Variants in SLC25A26 observed in about 807,000 individuals in gnomAD.
SLC25A26 encodes the protein mitochondrial S-adenosylmethionine carrier protein.
A neutral mutation model predicts 37.8 loss-of-function variants in SLC25A26; 36 were observed. The observed-to-expected ratio is 0.95, with a 90% CI of 0.73 to 1.26. The LOEUF is 1.26. SLC25A26 is among the 50% of genes most tolerant of loss of function. SLC25A26 has a pLI of 0.00. For missense variants in SLC25A26, 390 were observed against 331.1 expected (o/e 1.18, Z -1.38); for synonymous variants, 129 against 122.5 (o/e 1.05, Z -0.35).
At chr3:66,370,679 C>A in intron 9 of SLC25A26, 77 bp downstream of exon 9, 1 of 1,086,316 alleles carries the variant, frequency 9.2e-7, no homozygotes, top group Non-Finnish European at 1.4e-6. Context: ...GGATGAACAC[C>A]TCTCCTTCCC....
At chr3:66,317,411 C>T (rs1050800659) in intron 5 of SLC25A26, among the ~76,000 whole-genome samples, 1 of 152,122 alleles carries the variant, frequency 6.6e-6, no homozygotes, top group Non-Finnish European at 1.5e-5. Context: ...ACCCTATTCT[C>T]CGGGGCCCCT....
intron 1 of SLC25A26, among the ~76,000 whole-genome samples, chr3:66,171,049 C>T (rs1226324245): frequency 1.3e-5 from 2 of 151,772 alleles, no homozygotes; most frequent in East Asian, 3.9e-4. Context: ...GTGATCCGCC[C>T]GCCTCGGCCT....
At chr3:66,209,194 T>G (rs2071236735) in intron 1 of SLC25A26, among the ~76,000 whole-genome samples, 1 of 133,518 alleles carries the variant, frequency 7.5e-6, no homozygotes, top group South Asian at 2.4e-4. Context: ...TATATATAAC[T>G]TCTATATTTT....
intron 5 of SLC25A26, among the ~76,000 whole-genome samples, chr3:66,309,562 G>A (rs1282649408): frequency 6.6e-6 from 1 of 151,712 alleles, no homozygotes; most frequent in African/African-American, 2.4e-5. Flanking sequence ...GAATTTGTTT[G>A]CTCTTACTTC....
At chr3:66,266,613 T>G (rs2073763809) in intron 5 of SLC25A26, among the ~76,000 whole-genome samples, 1 of 148,986 alleles carries the variant, frequency 6.7e-6, no homozygotes, top group South Asian at 2.1e-4. Context: ...ATTTGATGTT[T>G]GTGGAGATTG....
At position 66,156,816 on chromosome 3, in the gene SLC25A26, G is replaced by C. The variant is rs189311464; in HGVS notation, c.-354+22832G>C. On this transcript the variant is annotated intron_variant, in intron 1 of 10. Coordinates refer to the SLC25A26 transcript ENST00000676754. ...TAACACAGGCTTTGGGGAAAGTAGAGGGAATGTAGTGGGTGAAGAGAGCTC... is the reference window on the plus strand; with the variant it reads ...TAACACAGGCTTTGGGGAAAGTAGACGGAATGTAGTGGGTGAAGAGAGCTC... Among the ~76,000 whole-genome samples the C allele has an allele frequency of 3.4e-3, 523 of 152,228 alleles. 3 individuals carry two copies. Among genetic ancestry groups the C allele is most frequent in the African/African-American group, 0.012 (497 of 41,536 alleles).
intron 1 of SLC25A26, among the ~76,000 whole-genome samples, chr3:66,188,584 T>C (rs1296614205): frequency 6.6e-6 from 1 of 152,174 alleles, no homozygotes; most frequent in Admixed American, 6.5e-5. Flanking sequence ...TGCCTTCTTC[T>C]ATGAGTGGAG....
At chr3:66,138,036 G>GTTT (rs1343074147) in intron 1 of SLC25A26, among the ~76,000 whole-genome samples, 1 of 151,814 alleles carries the variant, frequency 6.6e-6, no homozygotes, top group African/African-American at 2.4e-5. Flanking sequence ...GTTTCACTAT[G>GTTT]TTGGCCAGGT....
intron 5 of SLC25A26, among the ~76,000 whole-genome samples, chr3:66,267,358 A>G (rs374174350): frequency 2.0e-5 from 3 of 152,338 alleles, no homozygotes; most frequent in South Asian, 4.1e-4. Flanking sequence ...TTTCATGACC[A>G]TAGAAGAGAG....
intron 1 of SLC25A26, among the ~76,000 whole-genome samples, chr3:66,235,979 A>T (rs2072259806): frequency 6.6e-6 from 1 of 152,144 alleles, no homozygotes; most frequent in African/African-American, 2.4e-5. Flanking sequence ...TGGTGGGATC[A>T]CATCTCACTG....
intron 3 of SLC25A26, among the ~76,000 whole-genome samples, chr3:66,261,039 A>G (rs1015645359): frequency 1.3e-5 from 2 of 152,008 alleles, no homozygotes; most frequent in Non-Finnish European, 2.9e-5. Context: ...TGAGTTGTGT[A>G]CTCTATTTGG....
chr3:66,325,202 C>G (rs572903443), intron 5 of SLC25A26, among the ~76,000 whole-genome samples: 22 of 152,076 alleles, frequency 1.4e-4, no homozygotes, highest in Non-Finnish European at 1.5e-4. Flanking sequence ...GGCATATATT[C>G]AGTGAAAAAT....
At chr3:66,376,872 A>C (rs1575630740) in intron 9 of SLC25A26, among the ~76,000 whole-genome samples, 1 of 152,206 alleles carries the variant, frequency 6.6e-6, no homozygotes. Flanking sequence ...TAGATATGGA[A>C]TCATAGTCCT....
intron 5 of SLC25A26, among the ~76,000 whole-genome samples, chr3:66,333,220 A>G (rs2076018118): frequency 6.6e-6 from 1 of 152,098 alleles, no homozygotes; most frequent in African/African-American, 2.4e-5. Flanking sequence ...GCCCAAGCAA[A>G]TATTCTTCTG....
intron 7 of SLC25A26, among the ~76,000 whole-genome samples, chr3:66,364,258 A>G (rs1447125589): frequency 2.0e-5 from 3 of 152,212 alleles, no homozygotes; most frequent in African/African-American, 7.2e-5. Context: ...CCTTTTCAGA[A>G]TAATACTCTG....
At chr3:66,187,252 C>A (rs1055856738) in intron 1 of SLC25A26, among the ~76,000 whole-genome samples, 8 of 151,854 alleles carry the variant, frequency 5.3e-5, no homozygotes. Flanking sequence ...TTCACCTTCA[C>A]CTTGACCTTC....
At chr3:66,240,030 G>A (rs1209599702) in intron 2 of SLC25A26, among the ~76,000 whole-genome samples, 1 of 151,834 alleles carries the variant, frequency 6.6e-6, no homozygotes, top group Non-Finnish European at 1.5e-5. Flanking sequence ...TGGGTCCTGT[G>A]GTGTTATTCA....
chr3:66,298,921 A>G (rs2074988616), intron 5 of SLC25A26, among the ~76,000 whole-genome samples: 1 of 152,214 alleles, frequency 6.6e-6, no homozygotes, highest in Non-Finnish European at 1.5e-5. Flanking sequence ...ATCCCAAGTT[A>G]CATAGAAACA....
Position 66,250,626 on chromosome 3 carries a change from G to A in SLC25A26, c.300+7314G>A, listed in dbSNP as rs1238892726. On this transcript the variant is annotated intron_variant, in intron 3 of 9. Coordinates refer to ENST00000354883, the MANE Select transcript of SLC25A26 (RefSeq NM_001379210.1). ...TAAAGCAATGATGTTCCGTAGGTTGGGGGGTATCACATGCGTTTTCAACTT... is the reference window on the plus strand; with the variant it reads ...TAAAGCAATGATGTTCCGTAGGTTGAGGGGTATCACATGCGTTTTCAACTT... Among the ~76,000 whole-genome samples, 3 of 95,904 alleles carry A rather than the reference G, an allele frequency of 3.1e-5. No homozygotes were observed. The Admixed American group carries it at 3.3e-4, about 10-fold the overall frequency. 62.9% of individuals were successfully genotyped at this position (95,904 alleles called of 152,430 possible).
Sources: allele counts gnomAD v4.1 joint callset (sites outside exome capture counted in the v4.1 genomes callset), GRCh38; gene constraint gnomAD v4.1.1; transcripts MANE v1.5; gene names NCBI Gene and HGNC (gene_info 2026-07-23, HGNC 2026-07-21).